The following SHANK2 variants were observed in gnomAD, a reference collection of about 807,000 sequenced individuals.
SHANK2 encodes SH3 and multiple ankyrin repeat domains 2, also known as SH3 and multiple ankyrin repeat domains protein 2.
SHANK2 carries 43 observed loss-of-function variants against 133.7 expected under a neutral mutation model. That is an observed-to-expected ratio of 0.32 (90% CI 0.25 to 0.41). SHANK2 has a LOEUF of 0.41. Among genes scored for constraint, SHANK2 ranks in the 10% least tolerant of loss-of-function variants. The pLI is 1.00. For missense variants in SHANK2, 1,994 were observed against 2,235.8 expected, an observed-to-expected ratio of 0.89 and a Z score of 2.18; for synonymous variants, 1,017 against 952.8, an observed-to-expected ratio of 1.07 and a Z score of -1.24.
intron 11 of SHANK2, among the ~76,000 whole-genome samples, chr11:70,860,637 A>G (rs1409676569): frequency 6.6e-6 from 1 of 152,240 alleles, no homozygotes; most frequent in Non-Finnish European, 1.5e-5. Context: ...TCACTTGAAG[A>G]AAATGGATGA....
chr11:71,247,051 A>G (rs947005833), intron 1 of SHANK2, among the ~76,000 whole-genome samples: 3 of 152,244 alleles, frequency 2.0e-5, no homozygotes, highest in Non-Finnish European at 4.4e-5. Flanking sequence ...CGTGCAGAGA[A>G]GTATGCTAGG....
At chr11:70,750,072 G>A (rs1337645786) in intron 14 of SHANK2, among the ~76,000 whole-genome samples, 2 of 152,162 alleles carry the variant, frequency 1.3e-5, no homozygotes, top group African/African-American at 2.4e-5. Flanking sequence ...TAGCAAACCT[G>A]GGCAGATGCT....
At chr11:70,475,382 A>T (rs2058649903) in intron 25 of SHANK2, among the ~76,000 whole-genome samples, 1 of 152,168 alleles carries the variant, frequency 6.6e-6, no homozygotes, top group Non-Finnish European at 1.5e-5. Context: ...GCACAAAGCT[A>T]ATGGCCCAGA....
At chr11:71,192,552 A>G (rs1555115606) in intron 2 of SHANK2, among the ~76,000 whole-genome samples, 1 of 152,186 alleles carries the variant, frequency 6.6e-6, no homozygotes, top group Non-Finnish European at 1.5e-5. Context: ...AATTAGAAAG[A>G]CCAGAACCTG....
chr11:70,720,717 G>A (rs1484798622), intron 14 of SHANK2, among the ~76,000 whole-genome samples: 2 of 152,206 alleles, frequency 1.3e-5, no homozygotes, highest in African/African-American at 2.4e-5. Context: ...CGGTATACAT[G>A]TGCTGACACA....
rs1306419768 is a variant in SHANK2 at position 70,710,452 on chromosome 11, C to T, written c.1778-11689G>A. Among the ~76,000 whole-genome samples, 13 of 152,170 alleles carry T rather than the reference C, an allele frequency of 8.5e-5. No individual in the cohort carries two copies. The East Asian group carries it at 1.9e-3, about 23-fold the overall frequency. On this transcript the variant is annotated intron_variant, in intron 14 of 25. Transcript: ENST00000601538. Reference sequence around the variant, plus strand: ...ACACCCTGCTGAATGCGGACTGTGCCGGAGCATATGAGGCCGGCGAGGGAG... The same window carrying T: ...ACACCCTGCTGAATGCGGACTGTGCTGGAGCATATGAGGCCGGCGAGGGAG...
chr11:70,751,197 G>A (rs1168379277), intron 14 of SHANK2, among the ~76,000 whole-genome samples: 1 of 152,102 alleles, frequency 6.6e-6, no homozygotes, highest in African/African-American at 2.4e-5. Flanking sequence ...TCCTAAACAG[G>A]ATTAGCTCAA....
At chr11:70,634,920 TA>T (rs1326633097) in intron 17 of SHANK2, 1 of 152,118 alleles carries the variant, frequency 6.6e-6, no homozygotes, top group Non-Finnish European at 1.5e-5. Context: ...AAAGAAGAGA[TA>T]CAAATGGCTG....
intron 2 of SHANK2, among the ~76,000 whole-genome samples, chr11:71,214,087 C>T (rs1555119285): frequency 2.0e-5 from 3 of 152,170 alleles, no homozygotes; most frequent in African/African-American, 7.2e-5. Flanking sequence ...CCTGGCCTGG[C>T]CCTGCCTCTC....
chr11:70,819,426 C>T (rs555609109), intron 12 of SHANK2, among the ~76,000 whole-genome samples: 1 of 152,364 alleles, frequency 6.6e-6, no homozygotes, highest in East Asian at 1.9e-4. Context: ...GACACCAACC[C>T]TAGCACCTGG....
intron 9 of SHANK2, among the ~76,000 whole-genome samples, chr11:71,065,985 GGGA>G (rs1336706102): frequency 2.4e-5 from 1 of 42,104 alleles, no homozygotes; most frequent in Non-Finnish European, 6.0e-5. Context: ...TGGGGAAGTT[GGGA>G]GGGGAGTACA....
At chr11:70,481,150 A>G (rs1464431636) in intron 25 of SHANK2, among the ~76,000 whole-genome samples, 2 of 152,210 alleles carry the variant, frequency 1.3e-5, no homozygotes, top group Non-Finnish European at 2.9e-5. Flanking sequence ...TGACGCCTCC[A>G]TTCTTGGCAG....
chr11:71,152,964 A>G (rs1419609483), intron 2 of SHANK2, among the ~76,000 whole-genome samples: 2 of 152,204 alleles, frequency 1.3e-5, no homozygotes, highest in Non-Finnish European at 2.9e-5. Flanking sequence ...GACAAACAAC[A>G]AAGACACTTT....
chr11:70,914,039 C>T (rs1459339778), intron 10 of SHANK2, among the ~76,000 whole-genome samples: 3 of 152,108 alleles, frequency 2.0e-5, no homozygotes, highest in Admixed American at 2.0e-4. Context: ...TACACTGGGG[C>T]GGCAAGCAGA....
Position 70,625,763 on chromosome 11 carries a change from A to G in SHANK2, c.2061+34065T>C, listed in dbSNP as rs868952927. ...TGCCTCCCAGAGGTCCACAAGCCCA[A>G]GCTGGGGGAAATCTCAGTGCAGCCT... On this transcript the variant is annotated intron_variant, in intron 17 of 25. Transcript: ENST00000601538. 2.9e-5 allele frequency among the ~76,000 whole-genome samples: 4 copies of G among 139,082 alleles called. No homozygotes were observed. In the South Asian group the frequency reaches 7.7e-4, roughly 27 times the overall value. The allele number at this position is 139,082 out of a possible 152,430, so 91.2% of individuals were successfully genotyped here.
chr11:70,596,609 A>G (rs993298272), intron 17 of SHANK2, among the ~76,000 whole-genome samples: 3 of 152,234 alleles, frequency 2.0e-5, no homozygotes, highest in Non-Finnish European at 2.9e-5. Context: ...CAGGCCCAGC[A>G]GGGCAACTGC....
intron 9 of SHANK2, among the ~76,000 whole-genome samples, chr11:71,061,787 C>T (rs943752237): frequency 2.0e-5 from 3 of 152,004 alleles, no homozygotes; most frequent in Admixed American, 1.3e-4. Context: ...CCTTCTCCAC[C>T]AGGATGAGAC....
rs77200191 is a variant in SHANK2, at chr11:71,176,122, G to A, written c.-12-28784C>T. ...CCATTCATGGGGCAGTGAACATACA[G>A]AAGGGTTTTGCCTCACTTAATGGGA... On this transcript the variant is annotated intron_variant, in intron 2 of 25. Coordinates refer to ENST00000601538, the MANE Select transcript of SHANK2 (RefSeq NM_012309.5). 6.3e-3 allele frequency among the ~76,000 whole-genome samples: 953 copies of A among 152,304 alleles called. 10 individuals carry two copies. Among genetic ancestry groups the A allele is most frequent in the African/African-American group, 0.021 (873 of 41,566 alleles).
At chr11:70,560,818 G>C (rs2059900521) in intron 17 of SHANK2, among the ~76,000 whole-genome samples, 1 of 152,102 alleles carries the variant, frequency 6.6e-6, no homozygotes, top group Non-Finnish European at 1.5e-5. Flanking sequence ...TTTTAGTAGA[G>C]ATGGGTTTCA....
Sources: gnomAD v4.1 joint callset for allele counts (sites outside exome capture counted in the v4.1 genomes callset) on GRCh38, gnomAD v4.1.1 for gene constraint, MANE v1.5 for transcripts, NCBI Gene and HGNC (gene_info 2026-07-23, HGNC 2026-07-21) for gene names.